ARRDC5: variants seen among roughly 807,000 people sequenced by gnomAD.
The protein encoded by ARRDC5 is arrestin domain-containing protein 5.
A neutral mutation model predicts 13.3 loss-of-function variants in ARRDC5; 12 were observed. That is an observed-to-expected ratio of 0.90 (90% confidence interval 0.58 to 1.46). The LOEUF (loss-of-function observed/expected upper bound fraction) is 1.46. Among genes scored for constraint, ARRDC5 ranks in the 40% most tolerant of loss-of-function variants. The probability of loss-of-function intolerance (pLI) is 0.00; values close to 1 mark genes in which losing one functional copy is unlikely to be tolerated. For synonymous variants in ARRDC5, 181 were observed against 173.4 expected, an observed-to-expected ratio of 1.04 and a Z score of -0.34; for missense variants, 406 against 418.7, an observed-to-expected ratio of 0.97 and a Z score of 0.26.
At chr19:4,911,569 C>G in the ARRDC5 span, among the ~76,000 whole-genome samples, 7 of 152,194 alleles carry the variant, frequency 4.6e-5, no homozygotes, top group Non-Finnish European at 1.0e-4. Flanking sequence ...CACCCTGAGC[C>G]TGCTGTGCTG....
the ARRDC5 span, among the ~76,000 whole-genome samples, chr19:4,915,048 C>T: frequency 6.6e-6 from 1 of 152,258 alleles, no homozygotes; most frequent in African/African-American, 2.4e-5. Flanking sequence ...CCAGAGCATC[C>T]TGCCCTACCA....
rs753263919 is a variant in ARRDC5 at position 4,891,139 on chromosome 19, A to G, written c.894T>C (p.Val298=). 3 of 1,613,712 alleles carry G rather than the reference A, an allele frequency of 1.9e-6. No homozygotes were observed. The highest frequency in any genetic ancestry group is 2.5e-6 in the Non-Finnish European group (3 of 1,179,854). The stretch of plus-strand genomic sequence containing the variant: ...CTGAGGCGCTGGTGATGATGATGGG[A>G]ACTTTGGCCTTGAGGCTGGTCAGGG... ...PWSLTSLKAK[V]PIIITSASVD... The change falls in exon 3 of 3, where the codon GTT becomes GTC. Residue 298 remains valine (V), a synonymous_variant. Transcript: ENST00000650722.
upstream of ARRDC5, among the ~76,000 whole-genome samples, chr19:4,904,608 C>T (rs2032027336): frequency 6.6e-6 from 1 of 152,194 alleles, no homozygotes. Flanking sequence ...TGAGCTACCA[C>T]GCCTGGCTGA....
At chr19:4,916,144 C>CA in the ARRDC5 span, among the ~76,000 whole-genome samples, 4 of 151,852 alleles carry the variant, frequency 2.6e-5, no homozygotes, top group African/African-American at 9.7e-5. Context: ...CCCGTCTCTA[C>CA]AAAAAATGAA....
At position 4,891,226 on chromosome 19, in the gene ARRDC5, C is replaced by G. The variant is rs373336077; in HGVS notation, c.807G>C (p.Thr269=). 1.9e-6 allele frequency: 3 copies of G among 1,613,732 alleles called. No individual in the cohort carries two copies. Among genetic ancestry groups the G allele is most frequent in the Non-Finnish European group, 2.5e-6 (3 of 1,179,812 alleles). The change falls in exon 3 of 3, where the codon ACG becomes ACC. Residue 269 remains threonine (T), a synonymous_variant. Coordinates refer to ENST00000650722, the MANE Select transcript of ARRDC5 (RefSeq NM_001080523.3). ...GAGTGTGCATGATCTCACCGTCCTGCGTGCTGCTGCTCACGGACAGCAGCA... is the reference window on the plus strand; with the variant it reads ...GAGTGTGCATGATCTCACCGTCCTGGGTGCTGCTGCTCACGGACAGCAGCA... The part of the protein sequence containing the change: ...LPLLLSVSSS[T]QDGEIMHTRY...
At chr19:4,910,496 TA>T in the ARRDC5 span, 1 of 164,048 alleles carries the variant, frequency 6.1e-6, no homozygotes, top group Non-Finnish European at 1.3e-5. Flanking sequence ...CCCTCTTCCG[TA>T]AATAGGAATC....
chr19:4,914,357 G>C, the ARRDC5 span, among the ~76,000 whole-genome samples: 1 of 152,138 alleles, frequency 6.6e-6, no homozygotes, highest in African/African-American at 2.4e-5. Flanking sequence ...GGGCACAAAT[G>C]GGCAGTTGTC....
rs753937329 is a variant in ARRDC5, at chr19:4,902,853, C to A, written c.-28G>T. 6.2e-7 allele frequency: 1 copy of A among 1,613,478 alleles called. No homozygotes were observed. The highest frequency in any genetic ancestry group is 8.5e-7 in the Non-Finnish European group (1 of 1,179,764). On this transcript the variant is annotated 5_prime_UTR_variant, in exon 1 of 3. It adds an upstream start codon to the 5' untranslated region. Transcript: ENST00000650722. ...GGGGTTGGGGGGTAGAGAGACATTC[C>A]TCTCTGTCCCCCATGTCCCTGAAAT...
At chr19:4,909,359 T>G in the ARRDC5 span, 1 of 607,308 alleles carries the variant, frequency 1.6e-6, no homozygotes, top group Admixed American at 2.8e-5. Context: ...GGAGGCGCCG[T>G]GGACAGAGGC....
At chr19:4,901,982 G>A (rs991984351) in intron 1 of ARRDC5, among the ~76,000 whole-genome samples, 1 of 152,078 alleles carries the variant, frequency 6.6e-6, no homozygotes, top group African/African-American at 2.4e-5. Context: ...CCCTTCACGA[G>A]TTCAAGTGAT....
chr19:4,901,229 G>C (rs140352523), intron 1 of ARRDC5, among the ~76,000 whole-genome samples: 1 of 152,212 alleles, frequency 6.6e-6, no homozygotes, highest in Non-Finnish European at 1.5e-5. Flanking sequence ...TGAGGTGAGA[G>C]GATCGCTTAT....
chr19:4,899,852 T>A (rs1477731477), intron 1 of ARRDC5, among the ~76,000 whole-genome samples: 1 of 148,726 alleles, frequency 6.7e-6, no homozygotes, highest in African/African-American at 2.5e-5. Flanking sequence ...GGCAGGAGAA[T>A]GGCGAGAACC....
intron 2 of ARRDC5, 150 bp from the exon 3 acceptor site, chr19:4,891,723 G>A (rs138036615): frequency 0.077 from 51,695 of 669,852 alleles, 2,593 homozygotes; most frequent in Admixed American, 0.2. Context: ...TTGGGAGGCC[G>A]AGGCGGGAGG....
chr19:4,916,283 G>A, the ARRDC5 span, among the ~76,000 whole-genome samples: 5 of 150,668 alleles, frequency 3.3e-5, no homozygotes, highest in Non-Finnish European at 7.4e-5. Context: ...TCCAGCCTGG[G>A]AGACAGAGCG....
intron 1 of ARRDC5, among the ~76,000 whole-genome samples, chr19:4,898,401 A>G (rs1176864585): frequency 6.6e-6 from 1 of 151,866 alleles, no homozygotes; most frequent in African/African-American, 2.4e-5. Context: ...TCACTCTGTC[A>G]CCCAGGCTGG....
rs575777769 is a variant in ARRDC5 at position 4,894,510 on chromosome 19, C to CAAAAA, written c.459+2156_459+2160dup. Among the ~76,000 whole-genome samples, 6 of 27,230 alleles carry CAAAAA rather than the reference C, an allele frequency of 2.2e-4. 1 individual carries two copies. The highest frequency in any genetic ancestry group is 7.8e-4 in the African/African-American group (5 of 6,414). The allele number at this position is 27,230 out of a possible 152,430, so 17.9% of individuals were successfully genotyped here. A position where few individuals can be genotyped will look rare whatever the true frequency, so the allele number is the denominator to read the frequency against. Reference sequence around the variant, plus strand: ...TGGGCGACAGAGCGAGACTCCGTCTCAAAAAAAAAAAAAAAAAAAAAAAAT... The same window carrying CAAAAA: ...TGGGCGACAGAGCGAGACTCCGTCTCAAAAAAAAAAAAAAAAAAAAAAAAAAAAAT... On this transcript the variant is annotated intron_variant, in intron 2 of 2. Coordinates refer to ENST00000650722, the MANE Select transcript of ARRDC5 (RefSeq NM_001080523.3).
chr19:4,902,241 G>C lies in ARRDC5; in HGVS notation c.253+332C>G, dbSNP rs527523540. ...GCAGGACTGCCTACTTTGTCTCCTG[G>C]GGTTTTGCTGTCAGAGTGAAACTTA... On this transcript the variant is annotated intron_variant, in intron 1 of 2. Transcript: ENST00000650722. Among the ~76,000 whole-genome samples, 101 of 152,224 alleles carry C rather than the reference G, an allele frequency of 6.6e-4. 1 individual carries two copies. Among genetic ancestry groups the C allele is most frequent in the Admixed American group, 3.5e-3 (53 of 15,264 alleles).
chr19:4,916,160 G>C, the ARRDC5 span, among the ~76,000 whole-genome samples: 1 of 152,096 alleles, frequency 6.6e-6, no homozygotes, highest in African/African-American at 2.4e-5. Flanking sequence ...ATGAAAATTA[G>C]CCGGGCATGG....
the ARRDC5 span, chr19:4,909,481 G>A: frequency 1.5e-6 from 1 of 653,008 alleles, no homozygotes; most frequent in African/African-American, 1.9e-5. Context: ...CAAATGCCGA[G>A]TTTTCGCGGG....
Sources: allele counts gnomAD v4.1 joint callset (sites outside exome capture counted in the v4.1 genomes callset), GRCh38; gene constraint gnomAD v4.1.1; transcripts MANE v1.5; gene names NCBI Gene and HGNC (gene_info 2026-07-23, HGNC 2026-07-21).